ATP11B: variants seen among roughly 807,000 people sequenced by gnomAD.
ATP11B encodes phospholipid-transporting ATPase IF.
A neutral mutation model predicts 157.8 loss-of-function variants in ATP11B; 81 were observed. The observed-to-expected ratio is 0.51, with a 90% CI of 0.43 to 0.62. The LOEUF (loss-of-function observed/expected upper bound fraction) is 0.62, where lower values mean the gene tolerates loss of function less well. Ranked by LOEUF, ATP11B falls within the 20% of genes least tolerant of loss-of-function variation. ATP11B has a pLI of 0.00. For missense variants in ATP11B, 1,165 were observed against 1,402.2 expected, an observed-to-expected ratio of 0.83 and a Z score of 2.70; for synonymous variants, 451 against 469.4, an observed-to-expected ratio of 0.96 and a Z score of 0.51.
chr3:182,883,360 C>T (rs186202283), intron 21 of ATP11B, among the ~76,000 whole-genome samples: 3 of 151,732 alleles, frequency 2.0e-5, no homozygotes, highest in East Asian at 2.0e-4. Flanking sequence ...TGGGTTCAAG[C>T]GATTCTCCTA....
At chr3:182,826,551 C>T (rs1020054593) in intron 2 of ATP11B, among the ~76,000 whole-genome samples, 1 of 152,158 alleles carries the variant, frequency 6.6e-6, no homozygotes, top group Non-Finnish European at 1.5e-5. Flanking sequence ...TGAACATTGA[C>T]TTCCTTTGGC....
At chr3:182,857,793 T>G in intron 10 of ATP11B, 85 bp from the exon 11 acceptor site, 2 of 811,992 alleles carry the variant, frequency 2.5e-6, no homozygotes, top group Non-Finnish European at 3.9e-6. Context: ...TTTAATATCT[T>G]CTCTAATACA....
chr3:182,915,476 A>C (rs369011330), intron 29 of ATP11B: 1 of 984,506 alleles, frequency 1.0e-6, no homozygotes, highest in African/African-American at 1.7e-5. Context: ...TTATAATACT[A>C]TTTTACCTAA....
chr3:182,915,812 T>C (rs1386518549), intron 29 of ATP11B: 19 of 979,158 alleles, frequency 1.9e-5, no homozygotes, highest in Non-Finnish European at 2.2e-5. Context: ...TGAAGGTAGC[T>C]ATTATCATCT....
chr3:182,821,126 T>C (rs1717315458), intron 2 of ATP11B, among the ~76,000 whole-genome samples: 1 of 152,230 alleles, frequency 6.6e-6, no homozygotes, highest in Non-Finnish European at 1.5e-5. Context: ...GCTTGTTTTT[T>C]TGAGACAGAG....
Position 182,824,592 on chromosome 3 carries a change from G to C in ATP11B, c.145-3528G>C, listed in dbSNP as rs190608470. Among the ~76,000 whole-genome samples the C allele has an allele frequency of 2.6e-4, 39 of 152,290 alleles. No homozygotes were observed. The East Asian group carries it at 7.1e-3, about 28-fold the overall frequency. ...TCTTTGTCAATAGTGGAAACTGAGTGTCCTCCTAGAAAGCTTTTGGGATTA... is the reference window on the plus strand; with the variant it reads ...TCTTTGTCAATAGTGGAAACTGAGTCTCCTCCTAGAAAGCTTTTGGGATTA... On this transcript the variant is annotated intron_variant, in intron 2 of 29. Transcript: ENST00000323116.
At chr3:182,804,716 A>G (rs1716219494) in intron 1 of ATP11B, among the ~76,000 whole-genome samples, 1 of 152,150 alleles carries the variant, frequency 6.6e-6, no homozygotes, top group African/African-American at 2.4e-5. Flanking sequence ...AACCATCACC[A>G]CACTCTAATT....
chr3:182,797,345 T>C (rs932472503), intron 1 of ATP11B, among the ~76,000 whole-genome samples: 14 of 152,354 alleles, frequency 9.2e-5, no homozygotes, highest in African/African-American at 3.1e-4. Flanking sequence ...GTATTTGGAA[T>C]GTGGCTAGTT....
At chr3:182,837,938 G>A (rs1718679639) in intron 7 of ATP11B, among the ~76,000 whole-genome samples, 1 of 151,958 alleles carries the variant, frequency 6.6e-6, no homozygotes, top group African/African-American at 2.4e-5. Context: ...AAAATTAAAC[G>A]ATTAACTAAG....
intron 1 of ATP11B, among the ~76,000 whole-genome samples, chr3:182,799,352 A>C (rs796414359): frequency 6.7e-6 from 1 of 149,918 alleles, no homozygotes; most frequent in South Asian, 2.1e-4. Context: ...ATCTCAGCTC[A>C]CTGCAAGTTC....
intron 1 of ATP11B, among the ~76,000 whole-genome samples, chr3:182,810,346 A>C (rs910779479): frequency 6.6e-6 from 1 of 152,068 alleles, no homozygotes; most frequent in Non-Finnish European, 1.5e-5. Context: ...TAAATAAATA[A>C]ATTTTTCAGA....
chr3:182,893,570 A>G (rs1379214710), intron 25 of ATP11B, among the ~76,000 whole-genome samples: 3 of 152,004 alleles, frequency 2.0e-5, no homozygotes, highest in Non-Finnish European at 2.9e-5. Context: ...TGTATACCAC[A>G]TTTTCTTTAT....
At position 182,859,247 on chromosome 3, in the gene ATP11B, T is replaced by C. The variant is rs1720648985; in HGVS notation, c.1088T>C (p.Met363Thr). Residue 363 changes from methionine (M) to threonine (T), a missense_variant, in exon 12 of 30, where the codon ATG becomes ACG. Met to Thr is a moderately conservative substitution (Grantham distance 81). Around this residue, in one of 4 missense-constraint regions of ATP11B, gnomAD observed 737 missense variants for 930.5 expected, o/e 0.79. Transcript: ENST00000323116. The part of the protein sequence containing the change: ...IPISLYVTVE[M>T]QKFLGSFFIG... ...ATTTCATTATATGTGACAGTCGAAA[T>C]GCAGAAATTTCTTGGATCATTTTTT... is the stretch of plus-strand genomic sequence containing the variant. 6.2e-7 allele frequency: 1 copy of C among 1,612,874 alleles called. No individual in the cohort carries two copies.
chr3:182,816,921 A>C (rs1312117018), intron 1 of ATP11B, among the ~76,000 whole-genome samples: 1 of 152,230 alleles, frequency 6.6e-6, no homozygotes, highest in Non-Finnish European at 1.5e-5. Context: ...CAGCAAAGTT[A>C]ATATTAAATA....
chr3:182,905,324 A>G (rs1724270905), intron 28 of ATP11B, among the ~76,000 whole-genome samples: 1 of 152,224 alleles, frequency 6.6e-6, no homozygotes, highest in Admixed American at 6.5e-5. Context: ...GTTTCAAATT[A>G]AGGATTAAAT....
intron 29 of ATP11B, chr3:182,917,138 G>T (rs1343624180): frequency 1.0e-6 from 1 of 985,152 alleles, no homozygotes; most frequent in African/African-American, 1.7e-5. Context: ...AAGGTGAATT[G>T]GGGCCTTTTT....
chr3:182,875,567 G>C (rs1294650576), intron 19 of ATP11B, among the ~76,000 whole-genome samples: 1 of 152,102 alleles, frequency 6.6e-6, no homozygotes, highest in African/African-American at 2.4e-5. Context: ...TCAGCCTCCT[G>C]CGTAGCTGGG....
intron 3 of ATP11B, among the ~76,000 whole-genome samples, chr3:182,829,259 T>C (rs1365826119): frequency 2.0e-5 from 3 of 152,206 alleles, no homozygotes; most frequent in Non-Finnish European, 4.4e-5. Flanking sequence ...CTCTGTTGGA[T>C]GTAACAAAAT....
chr3:182,859,374 A>T lies in ATP11B; in HGVS notation c.1200+15A>T. 1.3e-6 allele frequency: 2 copies of T among 1,539,142 alleles called. No homozygotes were observed. The highest frequency in any genetic ancestry group is 1.8e-6 in the Non-Finnish European group (2 of 1,141,030). On this transcript the variant is annotated intron_variant, in intron 12 of 29. Transcript: ENST00000323116. Reference sequence around the variant, plus strand: ...AGCTTGGACAGGTGAAAATGATCCTAATATTTTGTTTCTCTAATTTGTTAT... The same window carrying T: ...AGCTTGGACAGGTGAAAATGATCCTTATATTTTGTTTCTCTAATTTGTTAT...
Sources: allele counts gnomAD v4.1 joint callset (sites outside exome capture counted in the v4.1 genomes callset), GRCh38; gene constraint gnomAD v4.1.1; regional missense constraint gnomAD v4.1.1; transcripts MANE v1.5; gene names NCBI Gene and HGNC (gene_info 2026-07-23, HGNC 2026-07-21).